The following GNA14 variants were observed in gnomAD, a reference collection of about 807,000 sequenced individuals.
GNA14 encodes G protein subunit alpha 14.
GNA14 carries 50 observed loss-of-function variants against 42.0 expected under a neutral mutation model. The ratio of observed to expected loss-of-function variants is 1.19; its 90% confidence interval spans 0.95 to 1.51. The LOEUF is 1.51. GNA14 is among the 40% of genes most tolerant of loss of function. The pLI is 0.00. For missense variants in GNA14, 473 were observed against 446.2 expected (o/e 1.06, Z -0.54); for synonymous variants, 173 against 163.1 (o/e 1.06, Z -0.46).
Position 77,522,064 on chromosome 9 carries a change from T to C in GNA14, c.309+7005A>G, listed in dbSNP as rs188374241. Among the ~76,000 whole-genome samples the C allele has an allele frequency of 9.8e-5, 15 of 152,328 alleles. No homozygotes were observed. In the East Asian group the frequency reaches 2.9e-3, roughly 29 times the overall value. ...GTTGGCCAGGCTGGTCTCGAATTCCTGACCTCAGGCGATCTTCCTGCCTCG... is the reference window on the plus strand; with the variant it reads ...GTTGGCCAGGCTGGTCTCGAATTCCCGACCTCAGGCGATCTTCCTGCCTCG... On this transcript the variant is annotated intron_variant, in intron 2 of 6. Transcript: ENST00000341700.
chr9:77,510,819 A>C (rs532652416), intron 2 of GNA14, among the ~76,000 whole-genome samples: 2 of 152,274 alleles, frequency 1.3e-5, no homozygotes, highest in South Asian at 2.1e-4. Context: ...GTTAGGTTGG[A>C]AAGTTTCCAT....
At chr9:77,489,522 T>G (rs1460024964) in intron 2 of GNA14, among the ~76,000 whole-genome samples, 1 of 152,230 alleles carries the variant, frequency 6.6e-6, no homozygotes, top group African/African-American at 2.4e-5. Flanking sequence ...ATTGGTGGGT[T>G]CTTGGTTCCA....
chr9:77,483,962 G>T (rs903267628), intron 2 of GNA14, among the ~76,000 whole-genome samples: 1 of 152,200 alleles, frequency 6.6e-6, no homozygotes. Context: ...TTTCAAACTA[G>T]AATTCAATAC....
intron 2 of GNA14, among the ~76,000 whole-genome samples, chr9:77,525,902 CT>C (rs200876343): frequency 5.3e-4 from 43 of 80,574 alleles, no homozygotes; most frequent in Admixed American, 1.3e-3. Context: ...AGATTTGGGA[CT>C]TTTTTTAAAA....
intron 1 of GNA14, among the ~76,000 whole-genome samples, chr9:77,642,629 C>T (rs1162456176): frequency 6.6e-6 from 1 of 151,768 alleles, no homozygotes; most frequent in Non-Finnish European, 1.5e-5. Context: ...ATTAGCTGGG[C>T]GTGGTAGTGG....
intron 2 of GNA14, among the ~76,000 whole-genome samples, chr9:77,448,439 T>G (rs750333292): frequency 2.6e-5 from 4 of 152,246 alleles, no homozygotes; most frequent in Non-Finnish European, 4.4e-5. Context: ...TTGTGTTAGA[T>G]GATTTTGCCC....
intron 1 of GNA14, among the ~76,000 whole-genome samples, chr9:77,598,155 A>T (rs1482758460): frequency 1.3e-5 from 2 of 152,150 alleles, no homozygotes; most frequent in African/African-American, 4.8e-5. Context: ...TTTTTGTGCT[A>T]ATTTGGCAGT....
rs544835018 is a variant in GNA14 at position 77,428,803 on chromosome 9, T to G, written c.723+104A>C. 3 of 1,141,160 alleles carry G rather than the reference T, an allele frequency of 2.6e-6. No individual in the cohort carries two copies. In the South Asian group the frequency reaches 4.4e-5, roughly 17 times the overall value. 70.7% of individuals were successfully genotyped at this position (1,141,160 alleles called of 1,614,324 possible). On this transcript the variant is annotated intron_variant, in intron 5 of 6. Transcript: ENST00000341700. ...GGTCACACTTTGAGTAGCAAGACTG[T>G]TTGACCTAATGACGAGGGTCTATTT...
chr9:77,446,405 G>T (rs1400872408), intron 2 of GNA14, among the ~76,000 whole-genome samples: 1 of 152,230 alleles, frequency 6.6e-6, no homozygotes, highest in East Asian at 1.9e-4. Context: ...AAGCCAGGAT[G>T]GCCGCGGGTC....
chr9:77,609,238 A>G (rs1025770946), intron 1 of GNA14, among the ~76,000 whole-genome samples: 1 of 152,166 alleles, frequency 6.6e-6, no homozygotes, highest in Non-Finnish European at 1.5e-5. Flanking sequence ...GTGCTCTGTC[A>G]CTTTATAATA....
chr9:77,627,731 T>C (rs1824033292), intron 1 of GNA14, among the ~76,000 whole-genome samples: 1 of 152,140 alleles, frequency 6.6e-6, no homozygotes, highest in Admixed American at 6.5e-5. Context: ...TAGGTATTGA[T>C]GGAACGTATC....
At chr9:77,539,513 T>C (rs1387621099) in intron 1 of GNA14, among the ~76,000 whole-genome samples, 1 of 152,250 alleles carries the variant, frequency 6.6e-6, no homozygotes, top group African/African-American at 2.4e-5. Flanking sequence ...AGGGTAATGC[T>C]GACCTTGTAG....
intron 2 of GNA14, among the ~76,000 whole-genome samples, chr9:77,447,733 C>A (rs1238133064): frequency 6.6e-6 from 1 of 152,134 alleles, no homozygotes; most frequent in East Asian, 1.9e-4. Flanking sequence ...ATTATTTGCA[C>A]CCAGTCTGCA....
intron 1 of GNA14, among the ~76,000 whole-genome samples, chr9:77,638,800 T>C (rs998197218): frequency 6.6e-6 from 1 of 152,182 alleles, no homozygotes; most frequent in East Asian, 1.9e-4. Context: ...CGCAGGTGAA[T>C]TGCAGCTTTG....
At chr9:77,621,021 C>T (rs377194827) in intron 1 of GNA14, among the ~76,000 whole-genome samples, 31 of 152,116 alleles carry the variant, frequency 2.0e-4, no homozygotes, top group African/African-American at 6.3e-4. Context: ...GCAGTCTCCA[C>T]CTCCCAGGCT....
At chr9:77,431,024 T>TGTGTGTGTGTGTGTGTGTG (rs1554686110) in intron 4 of GNA14, among the ~76,000 whole-genome samples, 52 of 101,524 alleles carry the variant, frequency 5.1e-4, no homozygotes, top group East Asian at 2.7e-3. Flanking sequence ...AAGTATACAT[T>TGTGTGTGTGTGTGTGTGTG]TGTGTGTGTG....
intron 1 of GNA14, among the ~76,000 whole-genome samples, chr9:77,631,556 A>G (rs1167940818): frequency 3.3e-5 from 5 of 152,112 alleles, no homozygotes; most frequent in Admixed American, 6.5e-5. Flanking sequence ...TAGGAAGCAC[A>G]TAAGATGCAT....
At chr9:77,510,458 C>T (rs1233543782) in intron 2 of GNA14, among the ~76,000 whole-genome samples, 4 of 152,190 alleles carry the variant, frequency 2.6e-5, no homozygotes, top group Non-Finnish European at 5.9e-5. Context: ...ACCTCAGCTC[C>T]TGAGTAGCTG....
chr9:77,499,738 T>TACTCAA (rs903084920), intron 2 of GNA14, among the ~76,000 whole-genome samples: 1 of 151,942 alleles, frequency 6.6e-6, no homozygotes, highest in African/African-American at 2.4e-5. Flanking sequence ...TAGTCCCAGC[T>TACTCAA]ACTCAGGAGG....
Sources: gnomAD v4.1 joint callset for allele counts (sites outside exome capture counted in the v4.1 genomes callset) on GRCh38, gnomAD v4.1.1 for gene constraint, MANE v1.5 for transcripts, NCBI Gene and HGNC (gene_info 2026-07-23, HGNC 2026-07-21) for gene names.